EFCAB13: variants seen among roughly 807,000 people sequenced by gnomAD.
EFCAB13 encodes EF-hand calcium-binding domain-containing protein 13.
In EFCAB13, 91 loss-of-function variants were observed where a neutral mutation model predicts 110.2. That is an observed-to-expected ratio of 0.83 (90% CI 0.70 to 0.98). The LOEUF (loss-of-function observed/expected upper bound fraction) is 0.98. EFCAB13 is among the 50% of genes least tolerant of loss of function. The pLI, the probability that EFCAB13 is intolerant of heterozygous loss-of-function variation, is 0.00. For missense variants in EFCAB13, 968 were observed against 1,119.4 expected (o/e 0.86, Z 1.93); for synonymous variants, 323 against 369.9 (o/e 0.87, Z 1.45).
intron 14 of EFCAB13, among the ~76,000 whole-genome samples, chr17:47,389,673 C>T (rs1451870070): frequency 6.6e-6 from 1 of 151,106 alleles, no homozygotes; most frequent in Non-Finnish European, 1.5e-5. Context: ...TCTTCTTTTA[C>T]CTGGGCTTTT....
chr17:47,438,239 T>C (rs1295743269), intron 24 of EFCAB13, among the ~76,000 whole-genome samples: 1 of 152,218 alleles, frequency 6.6e-6, no homozygotes, highest in African/African-American at 2.4e-5. Context: ...TAACTTTGGA[T>C]AACCTGATGA....
intron 24 of EFCAB13, among the ~76,000 whole-genome samples, chr17:47,440,034 C>T (rs898664571): frequency 6.6e-6 from 1 of 152,032 alleles, no homozygotes; most frequent in African/African-American, 2.4e-5. Context: ...CCCTCCCTCA[C>T]CTCCTCAGTA....
At chr17:47,341,308 T>A (rs1445288959) in intron 5 of EFCAB13, 1 of 152,196 alleles carries the variant, frequency 6.6e-6, no homozygotes, top group Non-Finnish European at 1.5e-5. Context: ...GAAATGTGAA[T>A]GGTGCCTGTA....
At chr17:47,392,992 T>C (rs72825688) in intron 15 of EFCAB13, among the ~76,000 whole-genome samples, 9,541 of 152,112 alleles carry the variant, frequency 0.063, 357 homozygotes, top group East Asian at 0.17. Context: ...TCAACAGATA[T>C]TATAGAAGTT....
chr17:47,337,760 T>A (rs1391841295), intron 5 of EFCAB13, among the ~76,000 whole-genome samples: 2 of 152,062 alleles, frequency 1.3e-5, no homozygotes, highest in East Asian at 3.9e-4. Context: ...AGGAGATGGG[T>A]TGATTACAAA....
intron 24 of EFCAB13, among the ~76,000 whole-genome samples, chr17:47,434,245 C>T (rs995059744): frequency 6.6e-6 from 1 of 151,794 alleles, no homozygotes; most frequent in Non-Finnish European, 1.5e-5. Context: ...AAATTAGTAG[C>T]ACTGCTATAC....
intron 21 of EFCAB13, among the ~76,000 whole-genome samples, chr17:47,412,549 G>T (rs1408191071): frequency 1.3e-5 from 2 of 152,186 alleles, no homozygotes; most frequent in East Asian, 3.8e-4. Context: ...TATAATACAT[G>T]TCAATAGCCC....
intron 9 of EFCAB13, among the ~76,000 whole-genome samples, chr17:47,351,820 G>C (rs892262493): frequency 6.7e-6 from 1 of 149,954 alleles, no homozygotes; most frequent in African/African-American, 2.4e-5. Flanking sequence ...TGTTGTTGTT[G>C]CTTGTGCTTT....
At chr17:47,357,392 T>C (rs2065486976) in intron 9 of EFCAB13, among the ~76,000 whole-genome samples, 1 of 152,172 alleles carries the variant, frequency 6.6e-6, no homozygotes, top group Admixed American at 6.5e-5. Context: ...CAAGTCCTGG[T>C]TTCCTATTTT....
chr17:47,339,088 C>T (rs943181358), intron 5 of EFCAB13, among the ~76,000 whole-genome samples: 2 of 151,914 alleles, frequency 1.3e-5, no homozygotes, highest in African/African-American at 4.8e-5. Flanking sequence ...TTTTATGTCA[C>T]AGTTTTGCTT....
chr17:47,423,631 G>A (rs1272338319), intron 23 of EFCAB13: 5 of 369,958 alleles, frequency 1.4e-5, no homozygotes, highest in Non-Finnish European at 2.4e-5. Context: ...CCATTGTTTC[G>A]CTTCTCTGGG....
intron 5 of EFCAB13, 59 bp downstream of exon 5, chr17:47,335,415 C>A: frequency 1.4e-6 from 2 of 1,396,944 alleles, no homozygotes; most frequent in Non-Finnish European, 1.9e-6. Context: ...TTAAGAATGC[C>A]AAAATGTAGC....
Position 47,379,252 on chromosome 17 carries a change from T to A in EFCAB13, c.1581T>A (p.Asn527Lys), listed in dbSNP as rs1420995309. 6.2e-7 allele frequency: 1 copy of A among 1,611,342 alleles called. No homozygotes were observed. The highest frequency in any genetic ancestry group is 1.7e-5 in the Admixed American group (1 of 59,992). ...AGGAGCGAAGTTTTCCTGAATGCAATGGTAGGTAGGAAATTTGTTTTAAAA... is the reference window on the plus strand; with the variant it reads ...AGGAGCGAAGTTTTCCTGAATGCAAAGGTAGGTAGGAAATTTGTTTTAAAA... ...LAKERSFPECNALPGVIKAID... is the reference protein window; with the variant it reads ...LAKERSFPECKALPGVIKAID... Residue 527 changes from asparagine to lysine, a missense_variant and splice_region_variant, in exon 14 of 25, where the codon AAT (asparagine) becomes AAA (lysine). Asn to Lys is a moderately conservative substitution (Grantham distance 94). Transcript: ENST00000331493.
Position 47,325,931 on chromosome 17 carries a change from T to C in EFCAB13, c.-247-295T>C, listed in dbSNP as rs59195082. On this transcript the variant is annotated intron_variant, in intron 2 of 24. Coordinates refer to ENST00000331493, the MANE Select transcript of EFCAB13 (RefSeq NM_152347.5). ...TATATATATATAAACAAAATATATA[T>C]ATATATATATATATATATATATATA... 6.9e-4 allele frequency among the ~76,000 whole-genome samples: 26 copies of C among 37,538 alleles called. 1 individual carries two copies. Among genetic ancestry groups the C allele is most frequent in the African/African-American group, 1.5e-3 (20 of 13,006 alleles). 24.6% of individuals were successfully genotyped at this position (37,538 alleles called of 152,430 possible).
At chr17:47,430,482 CTT>C (rs1567808742) in intron 24 of EFCAB13, 1 of 152,560 alleles carries the variant, frequency 6.6e-6, no homozygotes, top group Non-Finnish European at 1.5e-5. Context: ...TTAAAAGAGA[CTT>C]TTTTCTTCCT....
At chr17:47,354,847 G>A (rs117415837) in intron 9 of EFCAB13, among the ~76,000 whole-genome samples, 3,245 of 152,260 alleles carry the variant, frequency 0.021, 108 homozygotes, top group East Asian at 0.18. Flanking sequence ...CTTTTAAGTG[G>A]AGCATTTAAA....
intron 6 of EFCAB13, among the ~76,000 whole-genome samples, chr17:47,343,764 T>G (rs1684205743): frequency 6.6e-6 from 1 of 152,162 alleles, no homozygotes; most frequent in Non-Finnish European, 1.5e-5. Context: ...CAAAATTACC[T>G]GTATCATTTG....
chr17:47,420,684 T>C, intron 23 of EFCAB13, among the ~76,000 whole-genome samples: 1 of 147,888 alleles, frequency 6.8e-6, no homozygotes, highest in African/African-American at 2.5e-5. Context: ...CCGCCCCGTC[T>C]GAGAAGTGAG....
At chr17:47,390,235 TATTG>T (rs965327578) in intron 14 of EFCAB13, among the ~76,000 whole-genome samples, 4 of 149,750 alleles carry the variant, frequency 2.7e-5, no homozygotes, top group Admixed American at 6.7e-5. Context: ...TTATAAAACT[TATTG>T]AGAGAGGGGT....
Sources: allele counts gnomAD v4.1 joint callset (sites outside exome capture counted in the v4.1 genomes callset), GRCh38; gene constraint gnomAD v4.1.1; transcripts MANE v1.5; gene names NCBI Gene and HGNC (gene_info 2026-07-23, HGNC 2026-07-21).